PDIA3: variants seen among roughly 807,000 people sequenced by gnomAD.
PDIA3 encodes protein disulfide isomerase family A member 3.
In PDIA3, 16 loss-of-function variants were observed where a neutral mutation model predicts 56.9. The observed-to-expected ratio is 0.28, with a 90% CI of 0.19 to 0.43. The LOEUF (loss-of-function observed/expected upper bound fraction) is 0.43, where lower values mean the gene tolerates loss of function less well. Among genes scored for constraint, PDIA3 ranks in the 20% least tolerant of loss-of-function variants. PDIA3 has a pLI of 1.00. For synonymous variants in PDIA3, 192 were observed against 216.5 expected, an observed-to-expected ratio of 0.89 and a Z score of 0.99; for missense variants, 485 against 621.3, an observed-to-expected ratio of 0.78 and a Z score of 2.33.
chr15:43,763,254 G>A (rs751369158), intron 5 of PDIA3, 48 bp downstream of exon 5: 20 of 1,585,462 alleles, frequency 1.3e-5, no homozygotes, highest in Non-Finnish European at 1.7e-5. Context: ...TGTGTGAACT[G>A]GTGATACTGA....
chr15:43,766,049 T>C, intron 7 of PDIA3, 37 bp downstream of exon 7: 1 of 1,600,346 alleles, frequency 6.2e-7, no homozygotes, highest in South Asian at 1.1e-5. Context: ...TGAACAAGTT[T>C]ACCCAATGTA....
intron 5 of PDIA3, among the ~76,000 whole-genome samples, chr15:43,764,121 A>C (rs1182060593): frequency 6.6e-6 from 1 of 152,244 alleles, no homozygotes; most frequent in African/African-American, 2.4e-5. Flanking sequence ...CATTACTGGA[A>C]TACTAAGCTT....
chr15:43,746,514 G>C lies in PDIA3; in HGVS notation c.-26G>C, dbSNP rs773608952. 2.4e-5 allele frequency: 37 copies of C among 1,556,156 alleles called. No individual in the cohort carries two copies. The South Asian group carries it at 4.2e-4, about 17-fold the overall frequency. On this transcript the variant is annotated 5_prime_UTR_variant, in exon 1 of 13. Coordinates refer to ENST00000300289, the MANE Select transcript of PDIA3 (RefSeq NM_005313.5). ...GTCCCAGCCGAGCCGCGACCCTTCC[G>C]GCCGTCCCCACCCCACCTCGCCGCC...
intron 6 of PDIA3, 27 bp from the exon 7 acceptor site, chr15:43,765,860 A>G (rs757692664): frequency 3.1e-6 from 5 of 1,592,706 alleles, no homozygotes; most frequent in Admixed American, 1.9e-5. Flanking sequence ...TTGGCAAGCC[A>G]GTTGATAATG....
In PDIA3 at chr15:43,773,244, C is replaced by T. The variant is rs775332763; in HGVS notation, c.*2026C>T. On this transcript the variant is annotated 3_prime_UTR_variant, in exon 13 of 13. Transcript: ENST00000300289. ...GGGTACTGCTGCAGAGAAAAAGCAT[C>T]CATGTCAAAAAGTAAAAATTCTCAT... The T allele has an allele frequency of 1.2e-6, 2 of 1,613,626 alleles. No individual in the cohort carries two copies. The highest frequency in any genetic ancestry group is 1.7e-6 in the Non-Finnish European group (2 of 1,179,862).
At chr15:43,762,230 C>T (rs1328497650) in intron 4 of PDIA3, among the ~76,000 whole-genome samples, 1 of 151,658 alleles carries the variant, frequency 6.6e-6, no homozygotes, top group Non-Finnish European at 1.5e-5. Context: ...AACTGACTTT[C>T]GCCTGGCTCA....
At chr15:43,769,088 G>T (rs1055368503) in intron 9 of PDIA3, among the ~76,000 whole-genome samples, 1 of 151,844 alleles carries the variant, frequency 6.6e-6, no homozygotes, top group Non-Finnish European at 1.5e-5. Context: ...TAAAGCCTGC[G>T]TAGAATTTTC....
intron 3 of PDIA3, among the ~76,000 whole-genome samples, chr15:43,757,519 C>G (rs2141649125): frequency 6.7e-6 from 1 of 149,740 alleles, no homozygotes; most frequent in South Asian, 2.1e-4. Flanking sequence ...GATCGCGCCA[C>G]TGCACTCCAA....
intron 3 of PDIA3, among the ~76,000 whole-genome samples, chr15:43,758,885 G>A (rs1288452810): frequency 1.3e-5 from 2 of 151,944 alleles, no homozygotes; most frequent in African/African-American, 4.8e-5. Context: ...GCTAAGGCAG[G>A]AGACTCGCTT....
intron 5 of PDIA3, among the ~76,000 whole-genome samples, chr15:43,764,627 C>T (rs189065708): frequency 2.4e-4 from 37 of 152,158 alleles, no homozygotes; most frequent in African/African-American, 8.4e-4. Context: ...ACCACCACAC[C>T]TGGGTAGTTT....
At chr15:43,761,241 C>CA (rs34237990) in intron 3 of PDIA3, among the ~76,000 whole-genome samples, 183 bp from the exon 4 acceptor site, 109 of 95,434 alleles carry the variant, frequency 1.1e-3, no homozygotes, top group African/African-American at 1.4e-3. Flanking sequence ...GACTCTGTCT[C>CA]AAAAAAAAAA....
intron 4 of PDIA3, 98 bp from the exon 5 acceptor site, chr15:43,762,979 T>G: frequency 2.5e-6 from 3 of 1,214,122 alleles, no homozygotes; most frequent in Non-Finnish European, 3.5e-6. Context: ...CAAAATAGAA[T>G]GAAATGTTTA....
intron 8 of PDIA3, 47 bp downstream of exon 8, chr15:43,766,957 C>CT (rs1312519248): frequency 6.7e-7 from 1 of 1,495,814 alleles, no homozygotes; most frequent in Admixed American, 1.7e-5. Context: ...TTATTAAAGC[C>CT]TTTTATACTA....
intron 10 of PDIA3, among the ~76,000 whole-genome samples, chr15:43,769,969 C>T (rs1255934896): frequency 6.6e-6 from 1 of 152,154 alleles, no homozygotes; most frequent in Non-Finnish European, 1.5e-5. Flanking sequence ...CCTGTAATGT[C>T]TTATTCAGAC....
chr15:43,758,874 G>A (rs2141650292), intron 3 of PDIA3, among the ~76,000 whole-genome samples: 1 of 151,984 alleles, frequency 6.6e-6, no homozygotes, highest in South Asian at 2.1e-4. Context: ...CTACTTGAGA[G>A]GCTAAGGCAG....
chr15:43,762,574 T>TA (rs1373077060), intron 4 of PDIA3, among the ~76,000 whole-genome samples: 1 of 152,086 alleles, frequency 6.6e-6, no homozygotes, highest in Non-Finnish European at 1.5e-5. Flanking sequence ...TAAATTTGGC[T>TA]AAAAGCCACT....
At chr15:43,769,959 C>T (rs1567160016) in intron 10 of PDIA3, among the ~76,000 whole-genome samples, 2 of 152,214 alleles carry the variant, frequency 1.3e-5, no homozygotes, top group East Asian at 3.9e-4. Context: ...TGGCTTAGCC[C>T]CTGTAATGTC....
At chr15:43,766,691 G>C (rs756629193) in intron 7 of PDIA3, 37 bp from the exon 8 acceptor site, 1 of 1,587,660 alleles carries the variant, frequency 6.3e-7, no homozygotes, top group South Asian at 1.1e-5. Context: ...TGACCACCCT[G>C]TATAGTCTTG....
chr15:43,766,477 T>C (rs547487807), intron 7 of PDIA3, among the ~76,000 whole-genome samples: 2 of 152,228 alleles, frequency 1.3e-5, no homozygotes, highest in Non-Finnish European at 1.5e-5. Context: ...ATTTCAGTTA[T>C]ATATTACAGC....
Sources: gnomAD v4.1 joint callset for allele counts (sites outside exome capture counted in the v4.1 genomes callset) on GRCh38, gnomAD v4.1.1 for gene constraint, MANE v1.5 for transcripts, NCBI Gene and HGNC (gene_info 2026-07-23, HGNC 2026-07-21) for gene names.